Variants in PRKN observed in about 807,000 individuals in gnomAD.
PRKN encodes parkin RBR E3 ubiquitin protein ligase.
A neutral mutation model predicts 59.5 loss-of-function variants in PRKN; 56 were observed. The ratio of observed to expected loss-of-function variants is 0.94; its 90% CI spans 0.76 to 1.18. The LOEUF (loss-of-function observed/expected upper bound fraction) is 1.18. PRKN is among the 50% of genes most tolerant of loss of function. The pLI is 0.00. For synonymous variants in PRKN, 250 were observed against 222.1 expected, an observed-to-expected ratio of 1.13 and a Z score of -1.12; for missense variants, 657 against 596.4, an observed-to-expected ratio of 1.10 and a Z score of -1.06.
In PRKN at chr6:161,584,086, C is replaced by A. The variant is rs1004800278; in HGVS notation, c.872-14670G>T. Reference sequence around the variant, plus strand: ...CCAGAGTATTAGAGACACAACCCTCCCCTCCTTGGTTGTATGTGTATTCAT... The same window carrying A: ...CCAGAGTATTAGAGACACAACCCTCACCTCCTTGGTTGTATGTGTATTCAT... On this transcript the variant is annotated intron_variant, in intron 7 of 11. Transcript: ENST00000366898. This position sits in a 1 kb window ranked among gnomAD's most constrained non-coding sequence, Gnocchi z 4.8. Among the ~76,000 whole-genome samples, 2 of 152,204 alleles carry A rather than the reference C, an allele frequency of 1.3e-5. No individual in the cohort carries two copies. The highest frequency in any genetic ancestry group is 4.8e-5 in the African/African-American group (2 of 41,452).
intron 1 of PRKN, among the ~76,000 whole-genome samples, chr6:162,501,860 T>A (rs1793390568): frequency 6.6e-6 from 1 of 152,056 alleles, no homozygotes; most frequent in South Asian, 2.1e-4. Context: ...GTATTCACCC[T>A]TAGGCCACAC....
At chr6:161,733,560 C>T (rs372509547) in intron 7 of PRKN, among the ~76,000 whole-genome samples, 1 of 151,798 alleles carries the variant, frequency 6.6e-6, no homozygotes. Flanking sequence ...CAGCTGATGC[C>T]TTATTCTCAA....
At chr6:162,688,684 G>A (rs1777656261) in intron 1 of PRKN, among the ~76,000 whole-genome samples, 1 of 152,116 alleles carries the variant, frequency 6.6e-6, no homozygotes, top group South Asian at 2.1e-4. Context: ...TAATCCTCCT[G>A]TCAAGAATCC....
chr6:162,664,146 T>C (rs1029956726), intron 1 of PRKN, among the ~76,000 whole-genome samples: 3 of 152,272 alleles, frequency 2.0e-5, no homozygotes, highest in South Asian at 4.1e-4. Flanking sequence ...ATGCAGTGTT[T>C]GGTTTTCTCT....
At chr6:162,209,785 G>A (rs1785116272) in intron 3 of PRKN, among the ~76,000 whole-genome samples, 2 of 152,094 alleles carry the variant, frequency 1.3e-5, no homozygotes, top group Non-Finnish European at 2.9e-5. Context: ...CCATAAAAAA[G>A]AATGAGTTCA....
chr6:162,021,141 T>A (rs1318266412), intron 5 of PRKN, among the ~76,000 whole-genome samples: 217 of 5,606 alleles, frequency 0.039, 16 homozygotes, highest in Admixed American at 0.06. Context: ...TATATATATA[T>A]ATATATATAT....
At chr6:161,663,863 C>T (rs552722961) in intron 7 of PRKN, among the ~76,000 whole-genome samples, 11 of 152,252 alleles carry the variant, frequency 7.2e-5, no homozygotes, top group African/African-American at 1.4e-4. Context: ...GAGGAGCAGC[C>T]GCCGGGAGAG....
intron 1 of PRKN, among the ~76,000 whole-genome samples, chr6:162,557,848 T>TA (rs1450739697): frequency 1.2e-4 from 19 of 152,128 alleles, no homozygotes; most frequent in Non-Finnish European, 2.5e-4. Context: ...CTTGACAATA[T>TA]AGGGCTTCTT....
intron 9 of PRKN, among the ~76,000 whole-genome samples, chr6:161,523,175 G>T (rs1778899032): frequency 6.6e-6 from 1 of 151,952 alleles, no homozygotes; most frequent in Admixed American, 6.6e-5. Context: ...TATCTATTAT[G>T]CTAAGATAAT....
intron 5 of PRKN, among the ~76,000 whole-genome samples, chr6:161,987,516 C>A (rs1781479910): frequency 1.3e-5 from 2 of 152,206 alleles, no homozygotes; most frequent in African/African-American, 4.8e-5. Flanking sequence ...ATAACCTAAG[C>A]ACATCCTCCT....
At chr6:162,570,352 T>C (rs1171348248) in intron 1 of PRKN, among the ~76,000 whole-genome samples, 1 of 152,146 alleles carries the variant, frequency 6.6e-6, no homozygotes, top group Non-Finnish European at 1.5e-5. Flanking sequence ...TCATATACTG[T>C]TGGTGAAAAT....
chr6:162,604,820 C>T (rs1226840404), intron 1 of PRKN, among the ~76,000 whole-genome samples: 1 of 151,676 alleles, frequency 6.6e-6, no homozygotes, highest in African/African-American at 2.4e-5. Context: ...GATTTGAAAC[C>T]CCACTATTTA....
intron 3 of PRKN, among the ~76,000 whole-genome samples, chr6:162,261,396 A>C (rs577340313): frequency 6.6e-6 from 1 of 152,192 alleles, no homozygotes; most frequent in Admixed American, 6.5e-5. Flanking sequence ...TCAAGGTGGA[A>C]TTTTCCATTG....
chr6:161,516,826 C>CAAAAAAAAAAAAAAAAAAAAAAAAAA (rs369136348), intron 9 of PRKN, among the ~76,000 whole-genome samples: 23 of 63,204 alleles, frequency 3.6e-4, no homozygotes, highest in Non-Finnish European at 5.9e-4. Flanking sequence ...GACTCAATCT[C>CAAAAAAAAAAAAAAAAAAAAAAAAAA]AAAAAAAAAA....
intron 7 of PRKN, among the ~76,000 whole-genome samples, chr6:161,735,850 G>A (rs751238630): frequency 1.3e-5 from 2 of 152,086 alleles, no homozygotes; most frequent in Non-Finnish European, 2.9e-5. Context: ...GGGAGGCAGA[G>A]GTTGTGGTGA....
chr6:161,616,655 T>C (rs763527678), intron 7 of PRKN, among the ~76,000 whole-genome samples: 23 of 151,882 alleles, frequency 1.5e-4, no homozygotes, highest in Non-Finnish European at 2.9e-4. Context: ...AGTGAGAACA[T>C]GTGGTGTTTG....
rs1554251152 is a variant in PRKN at position 161,352,771 on chromosome 6, A to ATTTTTTT, written c.1286-2561_1286-2560insAAAAAAA. ...TGTGTGTGTGTATATATATATATAT[A>ATTTTTTT]TTTTATTTTATTTTATTTTATTTTT... On this transcript the variant is annotated intron_variant, in intron 11 of 11. Transcript: ENST00000366898. This position sits in a 1 kb window ranked among gnomAD's most constrained non-coding sequence, Gnocchi z 5.8. Among the ~76,000 whole-genome samples the ATTTTTTT allele has an allele frequency of 4.2e-3, 488 of 116,884 alleles. 2 individuals are homozygous for ATTTTTTT. The highest frequency in any genetic ancestry group is 0.014 in the African/African-American group (477 of 34,468). The allele number at this position is 116,884 out of a possible 152,430, so 76.7% of individuals were successfully genotyped here.
chr6:162,390,412 C>G (rs1014885285), intron 2 of PRKN, among the ~76,000 whole-genome samples: 5 of 117,408 alleles, frequency 4.3e-5, no homozygotes, highest in Admixed American at 3.4e-4. Flanking sequence ...CACACACACA[C>G]ACACACACAC....
At chr6:162,606,329 A>T (rs1318363602) in intron 1 of PRKN, among the ~76,000 whole-genome samples, 3 of 152,234 alleles carry the variant, frequency 2.0e-5, no homozygotes, top group African/African-American at 7.2e-5. Context: ...TAGAGCGCTT[A>T]GATTATAGCC....
Sources: gnomAD v4.1 joint callset for allele counts (sites outside exome capture counted in the v4.1 genomes callset) on GRCh38, gnomAD v4.1.1 for gene constraint, Gnocchi (gnomAD v3.1) non-coding constraint, MANE v1.5 for transcripts, NCBI Gene and HGNC (gene_info 2026-07-23, HGNC 2026-07-21) for gene names.